Variants in APOOL observed in about 807,000 individuals in gnomAD.
APOOL encodes the protein apolipoprotein O like, also known as MICOS complex subunit MIC27.
A neutral mutation model predicts 23.1 loss-of-function variants in APOOL; 12 were observed. That is an observed-to-expected ratio of 0.52 (90% CI 0.33 to 0.84). APOOL has a LOEUF of 0.84. Ranked by LOEUF, APOOL falls within the 40% of genes least tolerant of loss-of-function variation. The probability of loss-of-function intolerance (pLI) is 0.02; values close to 1 mark genes in which losing one functional copy is unlikely to be tolerated. For synonymous variants in APOOL, 77 were observed against 69.9 expected (o/e 1.10, Z -0.51); for missense variants, 212 against 199.6 (o/e 1.06, Z -0.37).
At chrX:85,052,223 G>A (rs1922805654) in intron 3 of APOOL, among the ~76,000 whole-genome samples, 1 of 111,862 alleles carries the variant, frequency 8.9e-6, no homozygotes, top group South Asian at 3.7e-4. Flanking sequence ...TTCTTCTTTG[G>A]CTAAGTAAAG....
chrX:85,034,155 C>T (rs1406487245), intron 1 of APOOL, among the ~76,000 whole-genome samples: 4 of 108,008 alleles, frequency 3.7e-5, no homozygotes, highest in Non-Finnish European at 7.6e-5. Flanking sequence ...ATAGCTGAGT[C>T]ACACAATATA....
chrX:85,032,214 T>G (rs938406172), intron 1 of APOOL, among the ~76,000 whole-genome samples: 1 of 112,442 alleles, frequency 8.9e-6, no homozygotes, highest in African/African-American at 3.2e-5. Context: ...TCTGGAGGAT[T>G]TTTAAGATGT....
At chrX:85,063,977 A>G (rs1296312680) in intron 5 of APOOL, among the ~76,000 whole-genome samples, 1 of 111,264 alleles carries the variant, frequency 9.0e-6, no homozygotes, top group African/African-American at 3.3e-5. Flanking sequence ...TATCTCTGGT[A>G]GAATTCAGCT....
chrX:85,060,789 A>G (rs1923183164), intron 5 of APOOL, among the ~76,000 whole-genome samples: 1 of 111,301 alleles, frequency 9.0e-6, no homozygotes, highest in Admixed American at 9.6e-5. Flanking sequence ...GGCTGAGACG[A>G]TGGGGTTTTC....
At chrX:85,026,174 T>G (rs1433267910) in intron 1 of APOOL, among the ~76,000 whole-genome samples, 1 of 113,637 alleles carries the variant, frequency 8.8e-6, no homozygotes, top group Non-Finnish European at 1.9e-5. Flanking sequence ...CCAAGACTTA[T>G]GTCTTGCATT....
rs903507370 is a variant in APOOL at position 85,091,677 on chromosome X, A to G, written c.*3999A>G. On this transcript the variant is annotated 3_prime_UTR_variant, in exon 9 of 9. Transcript: ENST00000373173. Reference sequence around the variant, plus strand: ...TGGTATCTTCCCTAAGATAAGTACAACCAAAGAGCTATGGATGTTCAGAGA... The same window carrying G: ...TGGTATCTTCCCTAAGATAAGTACAGCCAAAGAGCTATGGATGTTCAGAGA... 5 of 111,900 alleles carry G rather than the reference A, an allele frequency of 4.5e-5. No individual in the cohort carries two copies. Among genetic ancestry groups the G allele is most frequent in the Non-Finnish European group, 9.4e-5 (5 of 53,192 alleles). The allele number at this position is 111,900 out of a possible 1,213,427, so 9.2% of individuals were successfully genotyped here.
intron 8 of APOOL, among the ~76,000 whole-genome samples, chrX:85,084,598 C>T (rs966721063): frequency 2.7e-5 from 3 of 110,213 alleles, no homozygotes; most frequent in African/African-American, 6.6e-5. Context: ...GCTGAGGCCT[C>T]TAAGCAGGTG....
intron 1 of APOOL, among the ~76,000 whole-genome samples, chrX:85,022,530 C>G (rs911675350): frequency 5.4e-5 from 6 of 111,697 alleles, no homozygotes; most frequent in African/African-American, 2.0e-4. Flanking sequence ...TGACAAAATT[C>G]AACATCCTTT....
At chrX:85,084,727 C>A (rs1569461679) in intron 8 of APOOL, among the ~76,000 whole-genome samples, 2 of 111,202 alleles carry the variant, frequency 1.8e-5, no homozygotes, top group Non-Finnish European at 3.8e-5. Context: ...GAGGGGTGAT[C>A]TAAAGGCAAA....
chrX:85,070,812 A>T (rs927537848), intron 6 of APOOL, among the ~76,000 whole-genome samples: 5 of 106,516 alleles, frequency 4.7e-5, no homozygotes, highest in African/African-American at 1.7e-4. Flanking sequence ...TATTCTGCGT[A>T]TATGTCCAAA....
At chrX:85,007,686 G>A (rs1721922212) in intron 1 of APOOL, among the ~76,000 whole-genome samples, 1 of 111,277 alleles carries the variant, frequency 9.0e-6, no homozygotes, top group South Asian at 3.8e-4. Flanking sequence ...CAATTAAGTG[G>A]ATTGGGAGGA....
chrX:85,070,488 C>T (rs1192495616), intron 6 of APOOL, among the ~76,000 whole-genome samples: 18 of 111,297 alleles, frequency 1.6e-4, no homozygotes, highest in African/African-American at 5.9e-4. Flanking sequence ...AATAGACTTA[C>T]CAAATAATGT....
rs1924468321 is a variant in APOOL, at chrX:85,089,569, T to C, written c.*1891T>C. 9.0e-6 allele frequency: 1 copy of C among 111,637 alleles called. No homozygotes were observed. The allele number at this position is 111,637 out of a possible 1,213,427, so 9.2% of individuals were successfully genotyped here. On this transcript the variant is annotated 3_prime_UTR_variant, in exon 9 of 9. Coordinates refer to ENST00000373173, the MANE Select transcript of APOOL (RefSeq NM_198450.6). ...CTCAAGTTTCATCCCTAGTCCTATT[T>C]TCTCATTCTATATGCACACTCATTT...
At chrX:85,011,749 G>A (rs1179194926) in intron 1 of APOOL, among the ~76,000 whole-genome samples, 1 of 111,808 alleles carries the variant, frequency 8.9e-6, no homozygotes, top group Admixed American at 9.5e-5. Context: ...AGCCTAGTTT[G>A]TAGTATAGTT....
intron 1 of APOOL, among the ~76,000 whole-genome samples, chrX:85,036,933 A>T (rs1922236872): frequency 9.0e-6 from 1 of 110,980 alleles, no homozygotes. Context: ...CCTCAAGCTT[A>T]GCTCTCATGT....
intron 5 of APOOL, among the ~76,000 whole-genome samples, chrX:85,062,091 G>A (rs868547847): frequency 1.7e-4 from 19 of 110,535 alleles, no homozygotes; most frequent in Admixed American, 1.9e-4. Flanking sequence ...CTTTGTTCTC[G>A]TTGGTTTCAA....
chrX:85,024,647 A>G (rs1397283552), intron 1 of APOOL, among the ~76,000 whole-genome samples: 1 of 112,756 alleles, frequency 8.9e-6, no homozygotes, highest in Non-Finnish European at 1.9e-5. Flanking sequence ...GATATGCAAG[A>G]TTCCACATGG....
chrX:85,065,283 C>T (rs1038421712), intron 5 of APOOL, among the ~76,000 whole-genome samples: 4 of 111,344 alleles, frequency 3.6e-5, no homozygotes, highest in African/African-American at 6.5e-5. Flanking sequence ...TTTGCACATG[C>T]GATGTGTCTC....
intron 1 of APOOL, among the ~76,000 whole-genome samples, chrX:85,045,268 T>C (rs1176870921): frequency 1.8e-5 from 2 of 111,653 alleles, no homozygotes. Flanking sequence ...AAAAAAAATT[T>C]ATCTTCTTAG....
Sources: allele counts gnomAD v4.1 joint callset (sites outside exome capture counted in the v4.1 genomes callset), GRCh38; gene constraint gnomAD v4.1.1; transcripts MANE v1.5; gene names NCBI Gene and HGNC (gene_info 2026-07-23, HGNC 2026-07-21).